ATG10: variants seen among roughly 807,000 people sequenced by gnomAD.
ATG10 encodes ubiquitin-like-conjugating enzyme ATG10.
A neutral mutation model predicts 32.1 loss-of-function variants in ATG10; 30 were observed. The ratio of observed to expected loss-of-function variants is 0.94; its 90% confidence interval spans 0.70 to 1.27. ATG10 has a LOEUF of 1.27. ATG10 is among the 50% of genes most tolerant of loss of function. The pLI, the probability that ATG10 is intolerant of heterozygous loss-of-function variation, is 0.00. For missense variants in ATG10, 233 were observed against 262.3 expected (o/e 0.89, Z 0.77); for synonymous variants, 87 against 91.5 (o/e 0.95, Z 0.28).
At chr5:82,150,028 A>T (rs575266221) in intron 3 of ATG10, among the ~76,000 whole-genome samples, 1 of 91,144 alleles carries the variant, frequency 1.1e-5, no homozygotes, top group East Asian at 3.2e-4. Flanking sequence ...AGTTAAATTC[A>T]TGTATAGAGG....
intron 3 of ATG10, among the ~76,000 whole-genome samples, chr5:82,105,687 C>T (rs1265992441): frequency 2.6e-5 from 4 of 152,106 alleles, no homozygotes; most frequent in Admixed American, 6.6e-5. Flanking sequence ...CTCCCCACTC[C>T]TTTGTGCCTG....
intron 3 of ATG10, among the ~76,000 whole-genome samples, chr5:82,113,200 C>T (rs1021523290): frequency 6.6e-6 from 1 of 151,804 alleles, no homozygotes; most frequent in Non-Finnish European, 1.5e-5. Flanking sequence ...TCCTCCAGAA[C>T]GTTTAGCACC....
At position 82,109,487 on chromosome 5, in the gene ATG10, G is replaced by C. The variant is rs575074659; in HGVS notation, c.216+50885G>C. On this transcript the variant is annotated intron_variant, in intron 3 of 7. Transcript: ENST00000282185. ...CTTAACTTTGATATCCAAGAGAGTTGTTTGTGGATCAAACTTATTTTTTAG... is the reference window on the plus strand; with the variant it reads ...CTTAACTTTGATATCCAAGAGAGTTCTTTGTGGATCAAACTTATTTTTTAG... Among the ~76,000 whole-genome samples, 6 of 152,056 alleles carry C rather than the reference G, an allele frequency of 3.9e-5. No individual in the cohort carries two copies. In the South Asian group the frequency reaches 6.2e-4, roughly 16 times the overall value.
chr5:82,062,559 A>G (rs1763819330), intron 3 of ATG10, among the ~76,000 whole-genome samples: 1 of 152,236 alleles, frequency 6.6e-6, no homozygotes, highest in Admixed American at 6.5e-5. Flanking sequence ...TATTAATACT[A>G]ATAATGTCAC....
At chr5:82,159,245 G>T (rs1743197993) in intron 3 of ATG10, among the ~76,000 whole-genome samples, 1 of 152,166 alleles carries the variant, frequency 6.6e-6, no homozygotes, top group African/African-American at 2.4e-5. Context: ...AGGAAGGTGG[G>T]ATGGCAGGAG....
At chr5:82,227,637 AAGTGCTGAGATTAC>A (rs1746186825) in intron 5 of ATG10, among the ~76,000 whole-genome samples, 1 of 152,078 alleles carries the variant, frequency 6.6e-6, no homozygotes. Context: ...CGGCCTCCCA[AAGTGCTGAGATTAC>A]AGACATGAGC....
chr5:82,139,927 C>T (rs1337616853), intron 3 of ATG10, among the ~76,000 whole-genome samples: 8 of 117,648 alleles, frequency 6.8e-5, no homozygotes, highest in Middle Eastern at 0.013. Flanking sequence ...CCGCCCCATC[C>T]GGGAGGGAGG....
chr5:82,223,358 C>T (rs1384966483), intron 5 of ATG10, among the ~76,000 whole-genome samples: 1 of 152,168 alleles, frequency 6.6e-6, no homozygotes, highest in Non-Finnish European at 1.5e-5. Context: ...ACACTTGTGG[C>T]TCATAGTCAC....
At chr5:82,195,265 C>T (rs1045048470) in intron 5 of ATG10, among the ~76,000 whole-genome samples, 7 of 152,150 alleles carry the variant, frequency 4.6e-5, no homozygotes, top group African/African-American at 1.4e-4. Flanking sequence ...TACTCTATCC[C>T]CAGACTTGGC....
In ATG10 at chr5:82,098,640, G is replaced by C. The variant is rs7736587; in HGVS notation, c.216+40038G>C. 1.4e-4 allele frequency among the ~76,000 whole-genome samples: 21 copies of C among 152,198 alleles called. No individual in the cohort carries two copies. In the South Asian group the frequency reaches 4.3e-3, roughly 32 times the overall value. ...GGTTTTAACTACCACTGCAAACAAAGGGGTTATCGTTTATAGACTTCCATA... is the reference window on the plus strand; with the variant it reads ...GGTTTTAACTACCACTGCAAACAAACGGGTTATCGTTTATAGACTTCCATA... On this transcript the variant is annotated intron_variant, in intron 3 of 7. Transcript: ENST00000282185.
intron 5 of ATG10, among the ~76,000 whole-genome samples, chr5:82,203,512 G>C (rs1291620850): frequency 6.6e-6 from 1 of 152,156 alleles, no homozygotes; most frequent in Non-Finnish European, 1.5e-5. Context: ...ATCGGTGGGA[G>C]AGATAGGCTG....
rs1762414164 is a variant in ATG10, at chr5:82,020,835, G to A, written c.108+33157G>A. Among the ~76,000 whole-genome samples, 2 of 152,172 alleles carry A rather than the reference G, an allele frequency of 1.3e-5. 1 individual carries two copies. Among genetic ancestry groups the A allele is most frequent in the South Asian group, 4.1e-4 (2 of 4,824 alleles). On this transcript the variant is annotated intron_variant, in intron 2 of 7. Coordinates refer to ENST00000282185, the MANE Select transcript of ATG10 (RefSeq NM_031482.5). ...GGCAATACCAAAGGACATGGATATAGGGAGAGAAAAATTGAGGTCATTAAT... is the reference window on the plus strand; with the variant it reads ...GGCAATACCAAAGGACATGGATATAAGGAGAGAAAAATTGAGGTCATTAAT...
At chr5:82,019,148 A>T (rs1762370574) in intron 2 of ATG10, among the ~76,000 whole-genome samples, 1 of 152,198 alleles carries the variant, frequency 6.6e-6, no homozygotes, top group Admixed American at 6.5e-5. Flanking sequence ...TATTTGAAAA[A>T]TTTTGAGAAA....
intron 1 of ATG10, among the ~76,000 whole-genome samples, chr5:81,983,118 C>T (rs533463655): frequency 1.3e-5 from 2 of 152,094 alleles, no homozygotes; most frequent in African/African-American, 4.8e-5. Flanking sequence ...CCTCACTTCC[C>T]AGTAGGGGCG....
chr5:82,197,503 C>G (rs1744906393), intron 5 of ATG10, among the ~76,000 whole-genome samples: 1 of 151,314 alleles, frequency 6.6e-6, no homozygotes, highest in South Asian at 2.1e-4. Context: ...TACCTACCTG[C>G]CTATCTACCT....
intron 3 of ATG10, among the ~76,000 whole-genome samples, chr5:82,149,619 T>TCTGCTGGCCAGAGTC (rs1767508672): frequency 6.6e-6 from 1 of 151,160 alleles, no homozygotes; most frequent in Admixed American, 6.6e-5. Flanking sequence ...TAAATACTAC[T>TCTGCTGGCCAGAGTC]CTGCTGCCCA....
At chr5:82,191,842 C>T (rs1744674041) in intron 5 of ATG10, among the ~76,000 whole-genome samples, 1 of 152,174 alleles carries the variant, frequency 6.6e-6, no homozygotes. Flanking sequence ...TAGGACTCGT[C>T]AGGACATCCA....
chr5:82,244,954 TG>T (rs199536410), intron 5 of ATG10, among the ~76,000 whole-genome samples: 7,662 of 152,266 alleles, frequency 0.05, 268 homozygotes, highest in South Asian at 0.071. Context: ...CCAGTAGAAG[TG>T]TTTATTAAGT....
intron 5 of ATG10, among the ~76,000 whole-genome samples, chr5:82,228,865 T>C (rs915859614): frequency 6.6e-6 from 1 of 152,210 alleles, no homozygotes; most frequent in African/African-American, 2.4e-5. Context: ...AGTAGAGGCA[T>C]AAAATTATCT....
Sources: gnomAD v4.1 joint callset for allele counts (sites outside exome capture counted in the v4.1 genomes callset) on GRCh38, gnomAD v4.1.1 for gene constraint, MANE v1.5 for transcripts, NCBI Gene and HGNC (gene_info 2026-07-23, HGNC 2026-07-21) for gene names.